Variants in CADM2 observed in about 807,000 individuals in gnomAD.
CADM2 encodes the protein immunoglobulin superfamily member 4D.
Under a neutral mutation model 49.8 loss-of-function variants are expected in CADM2, and 12 were observed. That is an observed-to-expected ratio of 0.24 (90% confidence interval 0.15 to 0.39). The LOEUF (loss-of-function observed/expected upper bound fraction) is 0.39, where lower values mean the gene tolerates loss of function less well. Ranked by LOEUF, CADM2 falls within the 10% of genes least tolerant of loss-of-function variation. The pLI is 1.00. For synonymous variants in CADM2, 214 were observed against 175.4 expected, an observed-to-expected ratio of 1.22 and a Z score of -1.74; for missense variants, 378 against 492.3, an observed-to-expected ratio of 0.77 and a Z score of 2.20.
At chr3:85,048,941 T>C (rs1298605443) in intron 1 of CADM2, among the ~76,000 whole-genome samples, 2 of 151,978 alleles carry the variant, frequency 1.3e-5, no homozygotes, top group African/African-American at 4.8e-5. Flanking sequence ...AAAGAAAAGA[T>C]GGCCAAGAAT....
chr3:85,701,757 A>C (rs2066759617), intron 1 of CADM2, among the ~76,000 whole-genome samples: 1 of 152,182 alleles, frequency 6.6e-6, no homozygotes, highest in Non-Finnish European at 1.5e-5. Context: ...ATGAGGCCAT[A>C]GAAAAGATGC....
chr3:85,288,787 C>G (rs113437068), intron 1 of CADM2, among the ~76,000 whole-genome samples: 1 of 107,236 alleles, frequency 9.3e-6, no homozygotes, highest in Non-Finnish European at 1.8e-5. Flanking sequence ...CCAATATGCC[C>G]CCCCCCCCTC....
chr3:85,142,567 T>C (rs1182346506), intron 1 of CADM2, among the ~76,000 whole-genome samples: 1 of 152,214 alleles, frequency 6.6e-6, no homozygotes, highest in Non-Finnish European at 1.5e-5. Flanking sequence ...GGATTATTTT[T>C]ATTGAAATAG....
At chr3:85,426,274 C>T (rs775269171) in intron 1 of CADM2, among the ~76,000 whole-genome samples, 3 of 151,544 alleles carry the variant, frequency 2.0e-5, no homozygotes, top group South Asian at 2.1e-4. Context: ...CCCATGTAGC[C>T]GAGAACACAG....
chr3:85,644,127 G>T (rs1280046735), intron 1 of CADM2, among the ~76,000 whole-genome samples: 1 of 152,112 alleles, frequency 6.6e-6, no homozygotes, highest in Admixed American at 6.6e-5. Flanking sequence ...CTAGAGTCTG[G>T]AATTTCAAGA....
chr3:84,987,124 T>A (rs1040186819), intron 1 of CADM2, among the ~76,000 whole-genome samples: 1 of 151,936 alleles, frequency 6.6e-6, no homozygotes, highest in African/African-American at 2.4e-5. Context: ...CAATGGAATG[T>A]GTTAGGGAGC....
intron 1 of CADM2, among the ~76,000 whole-genome samples, chr3:85,613,341 T>C (rs1242162240): frequency 1.3e-5 from 2 of 151,780 alleles, no homozygotes; most frequent in African/African-American, 4.8e-5. Context: ...AAATGAAATG[T>C]TATTGAGTAA....
intron 1 of CADM2, among the ~76,000 whole-genome samples, chr3:85,663,132 C>T (rs957107155): frequency 6.6e-6 from 1 of 152,016 alleles, no homozygotes; most frequent in Non-Finnish European, 1.5e-5. Context: ...ACAAAGTACA[C>T]GATCTTGGGT....
At chr3:85,686,433 C>T (rs1044070864) in intron 1 of CADM2, among the ~76,000 whole-genome samples, 20 of 152,280 alleles carry the variant, frequency 1.3e-4, no homozygotes, top group African/African-American at 4.8e-4. Context: ...TTTTTAAACA[C>T]ATATCTCTTA....
chr3:85,802,570 A>G (rs1193721539), intron 3 of CADM2, among the ~76,000 whole-genome samples: 1 of 152,098 alleles, frequency 6.6e-6, no homozygotes, highest in Non-Finnish European at 1.5e-5. Flanking sequence ...ATATATTTGG[A>G]AGATGCAATA....
At chr3:85,523,485 T>G (rs185167409) in intron 1 of CADM2, among the ~76,000 whole-genome samples, 41 of 152,222 alleles carry the variant, frequency 2.7e-4, no homozygotes, top group Non-Finnish European at 1.5e-5. Context: ...ACAATCAAAG[T>G]GATAACTGAA....
At chr3:85,165,457 C>T (rs2040446968) in intron 1 of CADM2, among the ~76,000 whole-genome samples, 1 of 151,856 alleles carries the variant, frequency 6.6e-6, no homozygotes, top group Non-Finnish European at 1.5e-5. Flanking sequence ...CCACTTTAGG[C>T]TTCACTTAAA....
chr3:85,700,212 A>C (rs1185397280), intron 1 of CADM2, among the ~76,000 whole-genome samples: 1 of 152,200 alleles, frequency 6.6e-6, no homozygotes. Flanking sequence ...GGAAAGCATC[A>C]TTCTCAGCAA....
chr3:85,618,172 G>A (rs1411151730), intron 1 of CADM2, among the ~76,000 whole-genome samples: 1 of 152,078 alleles, frequency 6.6e-6, no homozygotes, highest in Admixed American at 6.6e-5. Flanking sequence ...TTACATAGCA[G>A]CTAAATTAAT....
At chr3:85,393,241 A>C (rs1483308322) in intron 1 of CADM2, among the ~76,000 whole-genome samples, 1 of 152,150 alleles carries the variant, frequency 6.6e-6, no homozygotes, top group African/African-American at 2.4e-5. Context: ...TTTTGAGTTT[A>C]GGTGTTCAGA....
chr3:85,922,305 A>G (rs1195105003), intron 6 of CADM2, among the ~76,000 whole-genome samples: 1 of 145,726 alleles, frequency 6.9e-6, no homozygotes, highest in Admixed American at 7.0e-5. Context: ...TTATAATTAA[A>G]ATGTGATTAA....
intron 1 of CADM2, among the ~76,000 whole-genome samples, chr3:85,196,264 C>T (rs545349420): frequency 6.6e-6 from 1 of 152,020 alleles, no homozygotes; most frequent in East Asian, 1.9e-4. Flanking sequence ...GAGGTGGCTT[C>T]ATGAATTGAC....
At chr3:85,691,455 T>C (rs2066384186) in intron 1 of CADM2, among the ~76,000 whole-genome samples, 1 of 152,190 alleles carries the variant, frequency 6.6e-6, no homozygotes, top group Non-Finnish European at 1.5e-5. Context: ...GCTTGTTCCA[T>C]TTATGCAGAA....
chr3:85,027,765 G>A (rs2034800601), intron 1 of CADM2, among the ~76,000 whole-genome samples: 1 of 152,036 alleles, frequency 6.6e-6, no homozygotes, highest in African/African-American at 2.4e-5. Flanking sequence ...ATTTGAGATA[G>A]GTATATTATA....
Sources: gnomAD v4.1 joint callset for allele counts (sites outside exome capture counted in the v4.1 genomes callset) on GRCh38, gnomAD v4.1.1 for gene constraint, MANE v1.5 for transcripts, NCBI Gene and HGNC (gene_info 2026-07-23, HGNC 2026-07-21) for gene names.